DPH6: variants seen among roughly 807,000 people sequenced by gnomAD.
DPH6 encodes diphthine--ammonia ligase.
A neutral mutation model predicts 38.2 loss-of-function variants in DPH6; 33 were observed. The observed-to-expected ratio is 0.86, with a 90% CI of 0.65 to 1.15. DPH6 has a LOEUF of 1.15. Among genes scored for constraint, DPH6 ranks in the 50% most tolerant of loss-of-function variants. DPH6 has a pLI of 0.00. For missense variants in DPH6, 325 were observed against 320.0 expected (o/e 1.02, Z -0.12); for synonymous variants, 108 against 103.0 (o/e 1.05, Z -0.30).
At chr15:35,496,492 T>A (rs1316348954) in intron 3 of DPH6, among the ~76,000 whole-genome samples, 1 of 141,042 alleles carries the variant, frequency 7.1e-6, no homozygotes, top group African/African-American at 2.7e-5. Context: ...GAGGCGGAGG[T>A]TGCAGTGAGC....
At chr15:35,527,137 C>T (rs977218480) in intron 3 of DPH6, among the ~76,000 whole-genome samples, 2 of 151,972 alleles carry the variant, frequency 1.3e-5, no homozygotes, top group East Asian at 1.9e-4. Flanking sequence ...ATCTCAATGC[C>T]CACTTGTAAC....
chr15:35,433,744 T>G (rs1650431083), intron 5 of DPH6, among the ~76,000 whole-genome samples: 1 of 152,194 alleles, frequency 6.6e-6, no homozygotes, highest in Non-Finnish European at 1.5e-5. Context: ...AATCAATTAA[T>G]ATTGAAGCTC....
chr15:35,447,902 A>G (rs754794993), intron 5 of DPH6, among the ~76,000 whole-genome samples: 1 of 152,204 alleles, frequency 6.6e-6, no homozygotes, highest in Non-Finnish European at 1.5e-5. Context: ...GCTTATAAGT[A>G]GAGTCCTAGC....
the DPH6 span, among the ~76,000 whole-genome samples, chr15:35,197,668 T>C: frequency 6.6e-6 from 1 of 152,210 alleles, no homozygotes; most frequent in South Asian, 2.1e-4. Flanking sequence ...GTTTTTTGAA[T>C]TAAGTCACAT....
intron 3 of DPH6, among the ~76,000 whole-genome samples, chr15:35,363,721 T>C (rs1052482455): frequency 2.0e-5 from 3 of 152,062 alleles, no homozygotes; most frequent in African/African-American, 7.2e-5. Flanking sequence ...TTTTTCTTTT[T>C]CTATTGCCTT....
intron 3 of DPH6, among the ~76,000 whole-genome samples, chr15:35,530,525 G>C (rs1347492238): frequency 6.6e-6 from 1 of 152,134 alleles, no homozygotes; most frequent in African/African-American, 2.4e-5. Context: ...TTATAGAGAG[G>C]CACTGACTCT....
At chr15:35,281,849 T>C (rs569302572) in intron 3 of DPH6, among the ~76,000 whole-genome samples, 46 of 152,334 alleles carry the variant, frequency 3.0e-4, no homozygotes, top group African/African-American at 1.1e-3. Context: ...TAGCCTTTCA[T>C]TGTCCCCTGG....
intron 2 of DPH6, among the ~76,000 whole-genome samples, chr15:35,540,040 T>A (rs958298964): frequency 6.6e-6 from 1 of 152,122 alleles, no homozygotes; most frequent in Admixed American, 6.6e-5. Context: ...AGGATATTGA[T>A]ACAATCAAAC....
At position 35,373,501 on chromosome 15, in the gene DPH6, T is replaced by TGAATCTTA; in HGVS notation, c.750+12_750+19dup. The TGAATCTTA allele has an allele frequency of 1.3e-6, 2 of 1,591,242 alleles. No individual in the cohort carries two copies. The highest frequency in any genetic ancestry group is 1.1e-5 in the South Asian group (1 of 87,526). On this transcript the variant is annotated intron_variant, in intron 8 of 8. Transcript: ENST00000256538. ...TCTCAAATTTCTATTGAAATCACTG[T>TGAATCTTA]GAATCTTAGATTTACTTGCCTTGTC...
rs1464258482 is a variant in DPH6, at chr15:35,542,958, AT to A, written c.24-452del. Among the ~76,000 whole-genome samples the A allele has an allele frequency of 4.1e-4, 49 of 119,304 alleles. 3 individuals carry two copies. Among genetic ancestry groups the A allele is most frequent in the Non-Finnish European group, 8.3e-4 (47 of 56,774 alleles). The allele number at this position is 119,304 out of a possible 152,430, so 78.3% of individuals were successfully genotyped here. Reference sequence around the variant, plus strand: ...TTCCACTTAAGGAATATATATATATATATATATAAAATAATTTCATAGAAAT... The same window carrying A: ...TTCCACTTAAGGAATATATATATATAATATATAAAATAATTTCATAGAAAT... On this transcript the variant is annotated intron_variant, in intron 1 of 8. Transcript: ENST00000256538.
chr15:35,408,776 T>C (rs1448586386), intron 6 of DPH6, among the ~76,000 whole-genome samples: 1 of 151,966 alleles, frequency 6.6e-6, no homozygotes, highest in African/African-American at 2.4e-5. Context: ...TCGTGAGTGA[T>C]TTTGGTCAGC....
intron 6 of DPH6, among the ~76,000 whole-genome samples, chr15:35,386,772 T>G (rs2140949334): frequency 6.6e-6 from 1 of 152,268 alleles, no homozygotes; most frequent in South Asian, 2.1e-4. Context: ...TTGCAAAAAT[T>G]TTCTCCCATT....
At chr15:35,226,639 T>A (rs1339553488) in intron 3 of DPH6, among the ~76,000 whole-genome samples, 5 of 152,154 alleles carry the variant, frequency 3.3e-5, no homozygotes, top group Non-Finnish European at 7.3e-5. Context: ...GTGAAAGACC[T>A]CTGCAATGAA....
intron 3 of DPH6, among the ~76,000 whole-genome samples, chr15:35,340,749 G>A (rs564058931): frequency 6.6e-5 from 10 of 152,296 alleles, no homozygotes; most frequent in Admixed American, 6.5e-4. Context: ...GAGGTCTGCT[G>A]TTAGTTTGAT....
chr15:35,403,837 T>G (rs1449386060), intron 6 of DPH6, among the ~76,000 whole-genome samples: 1 of 151,484 alleles, frequency 6.6e-6, no homozygotes, highest in South Asian at 2.1e-4. Context: ...TTTTTTTTTT[T>G]GTACCCATTA....
At chr15:35,293,500 C>T (rs2051993295) in intron 3 of DPH6, among the ~76,000 whole-genome samples, 1 of 152,170 alleles carries the variant, frequency 6.6e-6, no homozygotes. Context: ...TGTGTTGAGT[C>T]TTTCTGGCCA....
chr15:35,541,131 C>G (rs1050549244), intron 2 of DPH6, among the ~76,000 whole-genome samples: 7 of 152,216 alleles, frequency 4.6e-5, no homozygotes, highest in African/African-American at 1.7e-4. Context: ...AATTGCAGCA[C>G]AAAATCCAAA....
chr15:35,153,324 A>G, the DPH6 span, among the ~76,000 whole-genome samples: 1 of 152,202 alleles, frequency 6.6e-6, no homozygotes. Context: ...ATTAAAATAT[A>G]TGGTATTTTA....
chr15:35,252,319 G>A (rs2051680484), intron 3 of DPH6, among the ~76,000 whole-genome samples: 3 of 152,102 alleles, frequency 2.0e-5, no homozygotes, highest in Admixed American at 1.3e-4. Context: ...GATAGTAGCT[G>A]GTTTTAAGAG....
Sources: allele counts gnomAD v4.1 joint callset (sites outside exome capture counted in the v4.1 genomes callset), GRCh38; gene constraint gnomAD v4.1.1; transcripts MANE v1.5; gene names NCBI Gene and HGNC (gene_info 2026-07-23, HGNC 2026-07-21).